The following MEGF11 variants were observed in gnomAD, a reference collection of about 807,000 sequenced individuals.
MEGF11 encodes multiple EGF like domains 11.
Under a neutral mutation model 146.6 loss-of-function variants are expected in MEGF11, and 126 were observed. That is an observed-to-expected ratio of 0.86 (90% CI 0.74 to 1.00). MEGF11 has a LOEUF of 1.00. Ranked by LOEUF, MEGF11 falls within the 50% of genes least tolerant of loss-of-function variation. MEGF11 has a pLI of 0.00. For synonymous variants in MEGF11, 532 were observed against 583.4 expected, an observed-to-expected ratio of 0.91 and a Z score of 1.27; for missense variants, 1,509 against 1,521.2, an observed-to-expected ratio of 0.99 and a Z score of 0.13.
intron 1 of MEGF11, among the ~76,000 whole-genome samples, chr15:66,192,918 C>G (rs1381299140): frequency 6.6e-6 from 1 of 152,184 alleles, no homozygotes; most frequent in Non-Finnish European, 1.5e-5. Flanking sequence ...GGCAACATGG[C>G]AGTGGCAGTG....
Position 66,109,896 on chromosome 15 carries a change from G to A in MEGF11, c.301+9190C>T, listed in dbSNP as rs867352848. ...TTATCAGTACTCAGGGCTGGACACCGTGCCTGGCCCTGGGGAAAGCCTCGC... is the reference window on the plus strand; with the variant it reads ...TTATCAGTACTCAGGGCTGGACACCATGCCTGGCCCTGGGGAAAGCCTCGC... On this transcript the variant is annotated intron_variant, in intron 4 of 25. Transcript: ENST00000395614. 6.6e-5 allele frequency among the ~76,000 whole-genome samples: 10 copies of A among 152,156 alleles called. No homozygotes were observed. In the South Asian group the frequency reaches 1.2e-3, roughly 19 times the overall value.
At chr15:66,142,915 A>G (rs565813519) in intron 1 of MEGF11, among the ~76,000 whole-genome samples, 1 of 152,248 alleles carries the variant, frequency 6.6e-6, no homozygotes, top group East Asian at 1.9e-4. Flanking sequence ...TAACAGAAGA[A>G]CCTTAACAGC....
intron 5 of MEGF11, among the ~76,000 whole-genome samples, chr15:66,010,412 C>T (rs563931138): frequency 4.6e-5 from 7 of 152,108 alleles, no homozygotes; most frequent in African/African-American, 1.2e-4. Flanking sequence ...AGGCTGGTCT[C>T]GAACTCCTGG....
rs930887068 is a variant in MEGF11 at position 65,916,915 on chromosome 15, A to G, written c.2128T>C (p.Cys710Arg). The G allele has an allele frequency of 3.8e-6, 6 of 1,572,442 alleles. No individual in the cohort carries two copies. The highest frequency in any genetic ancestry group is 2.7e-5 in the African/African-American group (2 of 73,876). ...GFWGPACFHA[C>R]SCHNGASCSA... ...CAGCTCGCCCCGTTGTGGCAGCTGC[A>G]TGCGTGGAAGCAGGCGGGGCCCCAG... The change falls in exon 17 of 26, where the codon TGC becomes CGC. Residue 710 changes from cysteine to arginine, a missense_variant. Coordinates refer to ENST00000395614, the MANE Select transcript of MEGF11 (RefSeq NM_001385028.1).
intron 1 of MEGF11, among the ~76,000 whole-genome samples, chr15:66,142,205 G>T (rs1483934198): frequency 6.6e-6 from 1 of 152,172 alleles, no homozygotes; most frequent in Non-Finnish European, 1.5e-5. Context: ...AGCTTAAAAA[G>T]TGAGAGCACT....
chr15:66,238,221 C>T lies in MEGF11; in HGVS notation c.-9+15384G>A, dbSNP rs2092137079. Among the ~76,000 whole-genome samples the T allele has an allele frequency of 2.0e-5, 3 of 152,206 alleles. No individual in the cohort carries two copies. The South Asian group carries it at 6.2e-4, about 32-fold the overall frequency. On this transcript the variant is annotated intron_variant, in intron 1 of 25. Transcript: ENST00000395614. The stretch of plus-strand genomic sequence containing the variant: ...TTTTCTGGGTGGGAAACCCCCTCCC[C>T]AACCCACCCTGAGCTGATCTAGGCC...
At chr15:66,211,359 T>TAA (rs1408375019) in intron 1 of MEGF11, among the ~76,000 whole-genome samples, 2 of 151,538 alleles carry the variant, frequency 1.3e-5, no homozygotes, top group Non-Finnish European at 1.5e-5. Context: ...CCGTCTCTAC[T>TAA]AAAAATACAA....
chr15:66,250,439 G>A (rs951014428), intron 1 of MEGF11, among the ~76,000 whole-genome samples: 2 of 152,190 alleles, frequency 1.3e-5, no homozygotes, highest in African/African-American at 2.4e-5. Context: ...GGAGGAGAGA[G>A]CCTAGAATGT....
intron 1 of MEGF11, among the ~76,000 whole-genome samples, chr15:66,140,357 T>A (rs960853107): frequency 3.9e-5 from 6 of 152,306 alleles, no homozygotes; most frequent in Middle Eastern, 3.4e-3. Flanking sequence ...CAGTAGGAAA[T>A]TCAGAAATGT....
At chr15:65,901,333 C>A (rs767297958) in intron 24 of MEGF11, among the ~76,000 whole-genome samples, 3 of 151,466 alleles carry the variant, frequency 2.0e-5, no homozygotes, top group Non-Finnish European at 2.9e-5. Context: ...TGCATATTTT[C>A]TAACGTGATG....
chr15:66,103,238 A>C (rs1329084347), intron 4 of MEGF11, among the ~76,000 whole-genome samples: 2 of 152,346 alleles, frequency 1.3e-5, no homozygotes, highest in Admixed American at 1.3e-4. Context: ...GATGCCAGAC[A>C]CAGAAGCTTC....
rs187210182 is a variant in MEGF11, at chr15:66,129,926, T to A, written c.-8-1515A>T. 1.8e-3 allele frequency among the ~76,000 whole-genome samples: 267 copies of A among 152,308 alleles called. 1 individual carries two copies. The highest frequency in any genetic ancestry group is 7.3e-3 in the Admixed American group (112 of 15,296). On this transcript the variant is annotated intron_variant, in intron 1 of 25. Coordinates refer to ENST00000395614, the MANE Select transcript of MEGF11 (RefSeq NM_001385028.1). ...AATGCAGATTTAGCCAGATTTCAAA[T>A]GAATGCATTCTGAAAATCAGAAAGA...
At chr15:66,126,149 G>A (rs944510610) in intron 2 of MEGF11, among the ~76,000 whole-genome samples, 1 of 152,184 alleles carries the variant, frequency 6.6e-6, no homozygotes, top group Non-Finnish European at 1.5e-5. Flanking sequence ...TAATTAATGA[G>A]GAGCCGCCAG....
rs184529338 is a variant in MEGF11, at chr15:66,219,949, G to A, written c.-9+33656C>T. On this transcript the variant is annotated intron_variant, in intron 1 of 25. Coordinates refer to ENST00000395614, the MANE Select transcript of MEGF11 (RefSeq NM_001385028.1). ...GTTCCCCAAAAATTCATGTTCACCC[G>A]GAACCTCAGAATGTGACTTTATTTG... Among the ~76,000 whole-genome samples the A allele has an allele frequency of 6.1e-4, 93 of 152,188 alleles. 1 individual carries two copies. The highest frequency in any genetic ancestry group is 2.0e-3 in the Admixed American group (30 of 15,288).
intron 1 of MEGF11, among the ~76,000 whole-genome samples, chr15:66,244,196 C>T (rs1344770413): frequency 2.0e-5 from 3 of 152,158 alleles, no homozygotes; most frequent in African/African-American, 4.8e-5. Context: ...TCATCTCTCC[C>T]GCAGTAAACA....
intron 1 of MEGF11, among the ~76,000 whole-genome samples, chr15:66,147,333 C>T (rs2089411585): frequency 6.6e-6 from 1 of 152,250 alleles, no homozygotes. Context: ...CCATGCCCTT[C>T]ATCCAGTCAT....
intron 5 of MEGF11, among the ~76,000 whole-genome samples, chr15:66,051,498 G>A (rs2084443052): frequency 6.6e-6 from 1 of 152,194 alleles, no homozygotes; most frequent in South Asian, 2.1e-4. Context: ...GGAAGAAAAA[G>A]CACAGAGGGA....
chr15:66,112,008 T>C (rs775289660), intron 4 of MEGF11, among the ~76,000 whole-genome samples: 78 of 147,708 alleles, frequency 5.3e-4, no homozygotes, highest in Middle Eastern at 3.6e-3. Context: ...GACAAGAAAA[T>C]GTAAAACTAA....
intron 5 of MEGF11, among the ~76,000 whole-genome samples, chr15:66,076,671 G>C (rs1177418130): frequency 6.6e-6 from 1 of 152,182 alleles, no homozygotes; most frequent in Non-Finnish European, 1.5e-5. Context: ...AGACAGTAAG[G>C]CTGTACCAGG....
Sources: gnomAD v4.1 joint callset for allele counts (sites outside exome capture counted in the v4.1 genomes callset) on GRCh38, gnomAD v4.1.1 for gene constraint, MANE v1.5 for transcripts, NCBI Gene and HGNC (gene_info 2026-07-23, HGNC 2026-07-21) for gene names.